The following PTPRZ1 variants were observed in gnomAD, a reference collection of about 807,000 sequenced individuals.
PTPRZ1 encodes protein tyrosine phosphatase receptor type Z1.
Under a neutral mutation model 214.1 loss-of-function variants are expected in PTPRZ1, and 82 were observed. That is an observed-to-expected ratio of 0.38 (90% confidence interval 0.32 to 0.46). PTPRZ1 has a LOEUF of 0.46. Ranked by LOEUF, PTPRZ1 falls within the 20% of genes least tolerant of loss-of-function variation. The pLI, the probability that PTPRZ1 is intolerant of heterozygous loss-of-function variation, is 1.00. For missense variants in PTPRZ1, 2,603 were observed against 2,748.7 expected (o/e 0.95, Z 1.19); for synonymous variants, 945 against 987.9 (o/e 0.96, Z 0.81).
chr7:121,972,669 GAAGGACA>G lies in PTPRZ1; in HGVS notation c.436_442del (p.Gly146AsnfsTer29). On this transcript the variant is annotated frameshift_variant, in exon 4 of 30. Transcript: ENST00000393386. LOFTEE classifies it high-confidence loss of function. ...ATCTGATGGATCAGAGCATAGTTTA[GAAGGACA>G]AAAATTTCCACTTGAGGTAAGTCAG... 6.2e-7 allele frequency: 1 copy of G among 1,604,874 alleles called. No homozygotes were observed. The highest frequency in any genetic ancestry group is 1.1e-5 in the South Asian group (1 of 88,348).
intron 29 of PTPRZ1, among the ~76,000 whole-genome samples, 173 bp downstream of exon 29, chr7:122,060,061 A>G (rs1423805039): frequency 6.6e-6 from 1 of 152,200 alleles, no homozygotes; most frequent in Non-Finnish European, 1.5e-5. Context: ...TTTAAAATTT[A>G]TACTTCAGAA....
At chr7:122,030,609 C>T (rs1192616349) in intron 14 of PTPRZ1, among the ~76,000 whole-genome samples, 1 of 151,856 alleles carries the variant, frequency 6.6e-6, no homozygotes, top group Non-Finnish European at 1.5e-5. Context: ...TTTTTATCAG[C>T]AAATTCTTGG....
In PTPRZ1 at chr7:122,010,945, T is replaced by C. The variant is rs1175161134; in HGVS notation, c.1899T>C (p.Asp633=). Residue 633 remains aspartate (D), a synonymous_variant, in exon 12 of 30, where the codon GAT becomes GAC. Coordinates refer to ENST00000393386, the MANE Select transcript of PTPRZ1 (RefSeq NM_002851.3). ...AATCTGCTAGAAATGCTTCCGAAGATTCAACTTCATCAGGTTCAGAAGAAT... is the reference window on the plus strand; with the variant it reads ...AATCTGCTAGAAATGCTTCCGAAGACTCAACTTCATCAGGTTCAGAAGAAT... ...IPESARNASE[D]STSSGSEESL... is the part of the protein sequence containing the mutation. The C allele has an allele frequency of 6.2e-7, 1 of 1,614,136 alleles. No individual in the cohort carries two copies. The highest frequency in any genetic ancestry group is 1.1e-5 in the South Asian group (1 of 91,088).
At chr7:121,968,762 T>A (rs1006167075) in intron 3 of PTPRZ1, among the ~76,000 whole-genome samples, 24 of 152,148 alleles carry the variant, frequency 1.6e-4, no homozygotes, top group African/African-American at 2.4e-4. Context: ...CTAGTTTTTT[T>A]AAAAATTGTA....
intron 23 of PTPRZ1, among the ~76,000 whole-genome samples, chr7:122,046,196 G>T (rs1465615969): frequency 6.6e-6 from 1 of 152,054 alleles, no homozygotes; most frequent in South Asian, 2.1e-4. Flanking sequence ...TGTTTTGGGG[G>T]ACCATGGTCA....
intron 1 of PTPRZ1, among the ~76,000 whole-genome samples, chr7:121,890,746 T>A (rs1486364975): frequency 6.6e-6 from 1 of 152,160 alleles, no homozygotes; most frequent in Admixed American, 6.5e-5. Context: ...CAGAGCTCAC[T>A]GTAGCCCTGA....
Position 121,976,845 on chromosome 7 carries a change from C to T in PTPRZ1, c.613C>T (p.Arg205Cys), listed in dbSNP as rs1797453385. ...AIIDGVESVS[R>C]FGKQAALDPF... Reference sequence around the variant, plus strand: ...TATTGATGGAGTCGAAAGTGTTAGTCGTTTTGGTAAGCTACTTGGGGAACT... The same window carrying T: ...TATTGATGGAGTCGAAAGTGTTAGTTGTTTTGGTAAGCTACTTGGGGAACT... The change falls in exon 6 of 30, where the codon CGT becomes TGT. Residue 205 changes from arginine (R) to cysteine (C), a missense_variant. Around this residue, in one of 6 missense-constraint regions of PTPRZ1, gnomAD observed 244 missense variants for 333.2 expected, o/e 0.73. Coordinates refer to ENST00000393386, the MANE Select transcript of PTPRZ1 (RefSeq NM_002851.3). The T allele has an allele frequency of 1.9e-6, 3 of 1,609,872 alleles. No individual in the cohort carries two copies. Among genetic ancestry groups the T allele is most frequent in the Non-Finnish European group, 1.7e-6 (2 of 1,177,796 alleles).
At chr7:121,903,188 T>G (rs756141389) in intron 1 of PTPRZ1, among the ~76,000 whole-genome samples, 3 of 152,136 alleles carry the variant, frequency 2.0e-5, no homozygotes, top group Admixed American at 6.6e-5. Context: ...TTAATTAAGG[T>G]TGGGCAACTG....
intron 1 of PTPRZ1, among the ~76,000 whole-genome samples, chr7:121,880,480 C>T (rs1794205503): frequency 6.6e-6 from 1 of 152,164 alleles, no homozygotes; most frequent in Admixed American, 6.5e-5. Context: ...TACTTTTTCA[C>T]TGTTACTGAC....
chr7:122,034,121 G>A lies in PTPRZ1; in HGVS notation c.5187+6G>A, dbSNP rs1799466301. On this transcript the variant is annotated splice_donor_region_variant and intron_variant, in intron 16 of 29. Transcript: ENST00000393386. ...CACTGAAAGAGTTTTACCAGGTAAG[G>A]CATTATTTCACTGCATTTTCTTTTA... 1 of 1,595,006 alleles carries A rather than the reference G, an allele frequency of 6.3e-7. No homozygotes were observed.
At chr7:121,976,385 CTG>C in intron 5 of PTPRZ1, 117 bp downstream of exon 5, 2 of 647,224 alleles carry the variant, frequency 3.1e-6, no homozygotes, top group Non-Finnish European at 5.0e-6. Flanking sequence ...AAAATTAAAA[CTG>C]GTGGTCATTT....
Position 121,984,085 on chromosome 7 carries a change from C to T in PTPRZ1, c.896C>T (p.Ser299Leu). ...AAGTTCTCTAGACAGGTGTTTTCCT[C>T]ATACACTGGAAAGGAAGAGATTCAT... is the stretch of plus-strand genomic sequence containing the variant. The part of the protein sequence containing the change: ...QYKFSRQVFS[S>L]YTGKEEIHEA... The change falls in exon 8 of 30, where the codon TCA becomes TTA. Residue 299 changes from serine (S) to leucine (L), a missense_variant. Transcript: ENST00000393386. 6.2e-7 allele frequency: 1 copy of T among 1,613,320 alleles called. No homozygotes were observed. The highest frequency in any genetic ancestry group is 8.5e-7 in the Non-Finnish European group (1 of 1,179,572).
At chr7:121,879,205 GTCTTGAGTGAGCTTTTAAT>G (rs1794156379) in intron 1 of PTPRZ1, among the ~76,000 whole-genome samples, 1 of 152,214 alleles carries the variant, frequency 6.6e-6, no homozygotes, top group South Asian at 2.1e-4. Flanking sequence ...TACAGAAGCA[GTCTTGAGTGAGCTTTTAAT>G]TCTAGAGGAG....
intron 21 of PTPRZ1, among the ~76,000 whole-genome samples, chr7:122,041,505 G>GAGGCAGGTGGAAC (rs1799733074): frequency 6.8e-6 from 1 of 147,904 alleles, no homozygotes; most frequent in Admixed American, 6.6e-5. Context: ...ACATTACATT[G>GAGGCAGGTGGAAC]AATGTATTGT....
At chr7:121,892,501 A>G (rs1383329396) in intron 1 of PTPRZ1, among the ~76,000 whole-genome samples, 2 of 151,832 alleles carry the variant, frequency 1.3e-5, no homozygotes, top group African/African-American at 2.4e-5. Context: ...GTATTAGACC[A>G]TAAGAGTATT....
intron 2 of PTPRZ1, 60 bp from the exon 3 acceptor site, chr7:121,967,891 A>C (rs1367852570): frequency 7.9e-7 from 1 of 1,259,472 alleles, no homozygotes. Context: ...CTATAATGTA[A>C]AGTTTAATTT....
intron 2 of PTPRZ1, among the ~76,000 whole-genome samples, chr7:121,955,024 A>G (rs1335916424): frequency 1.3e-5 from 2 of 152,344 alleles, no homozygotes; most frequent in Middle Eastern, 3.4e-3. Flanking sequence ...TATGGGCAGC[A>G]TGGACTTCAA....
chr7:121,977,159 C>A (rs1269780942), intron 6 of PTPRZ1, among the ~76,000 whole-genome samples: 3 of 152,114 alleles, frequency 2.0e-5, no homozygotes, highest in African/African-American at 7.2e-5. Context: ...TATGTCTCTG[C>A]ATTATACATC....
At position 121,985,672 on chromosome 7, in the gene PTPRZ1, A is replaced by G. The variant is rs543073636; in HGVS notation, c.928+1555A>G. Among the ~76,000 whole-genome samples the G allele has an allele frequency of 2.0e-5, 3 of 152,280 alleles. No homozygotes were observed. In the South Asian group the frequency reaches 6.2e-4, roughly 32 times the overall value. ...CAAGTTGAGCATTGCATCCACTAGGAGGCCATCTCTGACTCTGCTTCTGTC... is the reference window on the plus strand; with the variant it reads ...CAAGTTGAGCATTGCATCCACTAGGGGGCCATCTCTGACTCTGCTTCTGTC... On this transcript the variant is annotated intron_variant, in intron 8 of 29. Coordinates refer to ENST00000393386, the MANE Select transcript of PTPRZ1 (RefSeq NM_002851.3).
Sources: gnomAD v4.1 joint callset for allele counts (sites outside exome capture counted in the v4.1 genomes callset) on GRCh38, gnomAD v4.1.1 for gene constraint, gnomAD v4.1.1 regional missense constraint, MANE v1.5 for transcripts, NCBI Gene and HGNC (gene_info 2026-07-23, HGNC 2026-07-21) for gene names.